Variants in GALNT13 observed in about 807,000 individuals in gnomAD.
The protein encoded by GALNT13 is UDP-GalNAc:polypeptide N-acetylgalactosaminyltransferase 13.
In GALNT13, 28 loss-of-function variants were observed where a neutral mutation model predicts 64.2. The ratio of observed to expected loss-of-function variants is 0.44; its 90% CI spans 0.32 to 0.60. The LOEUF is 0.60. Among genes scored for constraint, GALNT13 ranks in the 20% least tolerant of loss-of-function variants. The pLI is 0.05. For synonymous variants in GALNT13, 214 were observed against 224.6 expected, an observed-to-expected ratio of 0.95 and a Z score of 0.42; for missense variants, 577 against 669.8, an observed-to-expected ratio of 0.86 and a Z score of 1.53.
At chr2:153,473,580 G>A in the GALNT13 span, among the ~76,000 whole-genome samples, 2 of 152,290 alleles carry the variant, frequency 1.3e-5, no homozygotes, top group South Asian at 2.1e-4. Flanking sequence ...GTCTACATGG[G>A]ATTTGACAGG....
At chr2:153,624,968 G>T in the GALNT13 span, among the ~76,000 whole-genome samples, 1 of 151,826 alleles carries the variant, frequency 6.6e-6, no homozygotes, top group Non-Finnish European at 1.5e-5. Context: ...GTGATTTGTT[G>T]CATTTGAGAA....
At chr2:154,152,155 G>C (rs527997658) in intron 4 of GALNT13, among the ~76,000 whole-genome samples, 3 of 152,254 alleles carry the variant, frequency 2.0e-5, no homozygotes, top group Non-Finnish European at 4.4e-5. Flanking sequence ...GCATTTGCTT[G>C]TCTGTAAAGT....
At chr2:153,890,476 T>C (rs956273538) in intron 1 of GALNT13, among the ~76,000 whole-genome samples, 1 of 151,988 alleles carries the variant, frequency 6.6e-6, no homozygotes, top group Non-Finnish European at 1.5e-5. Context: ...ACAATGTACT[T>C]GGTCTCAGGG....
chr2:153,589,121 G>A, the GALNT13 span, among the ~76,000 whole-genome samples: 84 of 144,336 alleles, frequency 5.8e-4, no homozygotes, highest in African/African-American at 2.0e-3. Flanking sequence ...GGCAGCAAGC[G>A]CAAAACTTTG....
chr2:154,030,914 T>C (rs1446751740), intron 3 of GALNT13, among the ~76,000 whole-genome samples: 2 of 152,024 alleles, frequency 1.3e-5, no homozygotes, highest in Non-Finnish European at 2.9e-5. Context: ...TTACCCAGTC[T>C]CAGTTAGTTC....
the GALNT13 span, among the ~76,000 whole-genome samples, chr2:153,476,159 T>C: frequency 6.6e-5 from 10 of 152,286 alleles, no homozygotes; most frequent in South Asian, 2.1e-3. Context: ...CAAAAAACCA[T>C]CCTAGGTTGT....
chr2:154,017,527 T>C (rs374104513), intron 3 of GALNT13, among the ~76,000 whole-genome samples: 1 of 152,206 alleles, frequency 6.6e-6, no homozygotes, highest in African/African-American at 2.4e-5. Flanking sequence ...TATAGATTAC[T>C]AGGGTGTTAT....
the GALNT13 span, among the ~76,000 whole-genome samples, chr2:153,523,041 C>CTGTTTTTTTTT: frequency 5.3e-5 from 4 of 74,774 alleles, no homozygotes; most frequent in African/African-American, 3.0e-4. Flanking sequence ...TCTGTGTTTA[C>CTGTTTTTTTTT]TATTTTTTTT....
At chr2:153,472,297 G>C in the GALNT13 span, among the ~76,000 whole-genome samples, 2 of 152,034 alleles carry the variant, frequency 1.3e-5, no homozygotes, top group African/African-American at 2.4e-5. Flanking sequence ...TTCTCTCTCT[G>C]TAATAAAAAA....
At chr2:153,702,288 T>G in the GALNT13 span, among the ~76,000 whole-genome samples, 2 of 151,966 alleles carry the variant, frequency 1.3e-5, no homozygotes, top group Non-Finnish European at 2.9e-5. Flanking sequence ...AAGTAGGAGT[T>G]GAACAATGAG....
At chr2:153,543,938 G>T in the GALNT13 span, among the ~76,000 whole-genome samples, 3 of 152,284 alleles carry the variant, frequency 2.0e-5, no homozygotes, top group African/African-American at 7.2e-5. Flanking sequence ...AGGCAAACAG[G>T]TGCTTTTTAT....
chr2:154,007,218 T>G (rs1276686344), intron 3 of GALNT13, among the ~76,000 whole-genome samples: 3 of 152,224 alleles, frequency 2.0e-5, no homozygotes, highest in Non-Finnish European at 4.4e-5. Flanking sequence ...TGTGAGCAGC[T>G]GTCAACTGAC....
In GALNT13 at chr2:154,108,154, G is replaced by GT. The variant is rs901588561; in HGVS notation, c.143-32173dup. Among the ~76,000 whole-genome samples, 766 of 147,820 alleles carry GT rather than the reference G, an allele frequency of 5.2e-3. 3 individuals are homozygous for GT. The highest frequency in any genetic ancestry group is 0.018 in the African/African-American group (717 of 40,180). ...TGATCACTTGTAATTCTATTTTTTG[G>GT]TTTTTTTTTTCTTTTTTTGAGGAAT... On this transcript the variant is annotated intron_variant, in intron 3 of 12. Transcript: ENST00000392825.
the GALNT13 span, among the ~76,000 whole-genome samples, chr2:153,466,588 C>A: frequency 6.6e-6 from 1 of 151,960 alleles, no homozygotes; most frequent in Admixed American, 6.6e-5. Flanking sequence ...GGTTCAGTGC[C>A]TCCCTTGGTG....
chr2:154,426,474 G>A (rs190717278), intron 11 of GALNT13, among the ~76,000 whole-genome samples: 5 of 152,302 alleles, frequency 3.3e-5, no homozygotes, highest in African/African-American at 1.2e-4. Context: ...CCAGGGGATA[G>A]AAACCTTCGG....
At chr2:154,208,555 G>A (rs1374385755) in intron 4 of GALNT13, among the ~76,000 whole-genome samples, 1 of 151,754 alleles carries the variant, frequency 6.6e-6, no homozygotes. Flanking sequence ...ATTCAACAGA[G>A]ATCTGTTTGA....
chr2:154,242,802 G>A lies in GALNT13; in HGVS notation c.583G>A (p.Gly195Arg). ...RSGLIRARLR[G>R]AAASKGQVIT... ...TGGGTTAATACGTGCCCGTCTTCGA[G>A]GAGCAGCTGCTTCAAAAGGGCAGGT... The change falls in exon 6 of 13, where the codon GGA (glycine) becomes AGA (arginine). Residue 195 changes from glycine to arginine, a missense_variant. Coordinates refer to ENST00000392825, the MANE Select transcript of GALNT13 (RefSeq NM_052917.4). 6.2e-7 allele frequency: 1 copy of A among 1,614,118 alleles called. No individual in the cohort carries two copies. Among genetic ancestry groups the A allele is most frequent in the Non-Finnish European group, 8.5e-7 (1 of 1,179,976 alleles).
the GALNT13 span, among the ~76,000 whole-genome samples, chr2:153,833,132 A>G: frequency 6.6e-6 from 1 of 152,102 alleles, no homozygotes; most frequent in African/African-American, 2.4e-5. Context: ...CATGCTGACT[A>G]TGCTCCCTGC....
chr2:154,218,455 T>C (rs1409757112), intron 4 of GALNT13, among the ~76,000 whole-genome samples: 2 of 152,118 alleles, frequency 1.3e-5, no homozygotes, highest in Non-Finnish European at 2.9e-5. Flanking sequence ...GATGTTGTAC[T>C]ATTCCTCACC....
Sources: allele counts gnomAD v4.1 joint callset (sites outside exome capture counted in the v4.1 genomes callset), GRCh38; gene constraint gnomAD v4.1.1; transcripts MANE v1.5; gene names NCBI Gene and HGNC (gene_info 2026-07-23, HGNC 2026-07-21).